The following RAB27B variants were observed in gnomAD, a reference collection of about 807,000 sequenced individuals.
The protein encoded by RAB27B is RAB27B, member RAS oncogene family.
In RAB27B, 15 loss-of-function variants were observed where a neutral mutation model predicts 24.6. The observed-to-expected ratio is 0.61, with a 90% CI of 0.41 to 0.94. RAB27B has a LOEUF of 0.94. Among genes scored for constraint, RAB27B ranks in the 40% least tolerant of loss-of-function variants. The pLI, the probability that RAB27B is intolerant of heterozygous loss-of-function variation, is 0.00. For missense variants in RAB27B, 261 were observed against 266.8 expected (o/e 0.98, Z 0.15); for synonymous variants, 105 against 92.5 (o/e 1.14, Z -0.78).
rs547868014 is a variant in RAB27B, at chr18:54,895,100, A to T, written c.*5687A>T. On this transcript the variant is annotated 3_prime_UTR_variant, in exon 6 of 6. Transcript: ENST00000262094. ...CTGATTGTATCTGAAATTATTTTTT[A>T]AAAAAATAAATTATCCTGCTTTAGT... The T allele has an allele frequency of 2.6e-4, 23 of 88,236 alleles. No homozygotes were observed. Among genetic ancestry groups the T allele is most frequent in the Middle Eastern group, 5.6e-3 (1 of 180 alleles). 5.5% of individuals were successfully genotyped at this position (88,236 alleles called of 1,614,324 possible).
chr18:54,793,739 C>A (rs1909327063), intron 2 of RAB27B, among the ~76,000 whole-genome samples: 1 of 152,164 alleles, frequency 6.6e-6, no homozygotes, highest in Non-Finnish European at 1.5e-5. Flanking sequence ...CTGTAATGAT[C>A]CAATCAAGTT....
intron 2 of RAB27B, among the ~76,000 whole-genome samples, chr18:54,773,513 C>T (rs1908618159): frequency 6.6e-6 from 1 of 152,206 alleles, no homozygotes; most frequent in Non-Finnish European, 1.5e-5. Flanking sequence ...TACTCTTTCA[C>T]TGTGAATTTT....
chr18:54,850,765 A>G (rs573381029), intron 1 of RAB27B, among the ~76,000 whole-genome samples: 115 of 151,250 alleles, frequency 7.6e-4, no homozygotes, highest in African/African-American at 2.7e-3. Context: ...TATTTATTTT[A>G]TTAATTTTAA....
intron 2 of RAB27B, among the ~76,000 whole-genome samples, chr18:54,740,624 A>G (rs553201215): frequency 6.6e-6 from 1 of 152,324 alleles, no homozygotes; most frequent in East Asian, 1.9e-4. Flanking sequence ...GAGTGGCTAA[A>G]GTGGTCCTGT....
intron 2 of RAB27B, among the ~76,000 whole-genome samples, chr18:54,763,283 T>G (rs1486443423): frequency 6.6e-6 from 1 of 152,138 alleles, no homozygotes; most frequent in Admixed American, 6.6e-5. Flanking sequence ...AAATTCATCA[T>G]TTTATATATA....
At chr18:54,800,639 A>G (rs78078572) in intron 2 of RAB27B, among the ~76,000 whole-genome samples, 8,791 of 152,186 alleles carry the variant, frequency 0.058, 605 homozygotes, top group African/African-American at 0.16. Flanking sequence ...TATTCCTTGC[A>G]GTACCTATTT....
chr18:54,841,206 C>T (rs1911109363), intron 1 of RAB27B, among the ~76,000 whole-genome samples: 1 of 149,014 alleles, frequency 6.7e-6, no homozygotes, highest in Admixed American at 6.8e-5. Flanking sequence ...GGTAGTCCTC[C>T]CCATCCATGG....
intron 1 of RAB27B, among the ~76,000 whole-genome samples, chr18:54,838,381 T>C (rs1910976655): frequency 6.6e-6 from 1 of 152,164 alleles, no homozygotes; most frequent in African/African-American, 2.4e-5. Flanking sequence ...ATCTCCATGT[T>C]AATATTTTTT....
At chr18:54,718,478 C>T (rs553784382) in intron 2 of RAB27B, among the ~76,000 whole-genome samples, 1 of 152,268 alleles carries the variant, frequency 6.6e-6, no homozygotes, top group East Asian at 1.9e-4. Flanking sequence ...CTAATCATTG[C>T]CATGGTGCAG....
chr18:54,782,758 A>T (rs1391917298), intron 2 of RAB27B, among the ~76,000 whole-genome samples: 1 of 152,222 alleles, frequency 6.6e-6, no homozygotes, highest in African/African-American at 2.4e-5. Flanking sequence ...TTAGAAAATC[A>T]TGGTAACAAA....
At chr18:54,846,844 TTTTGTTTG>T (rs370822510) in intron 1 of RAB27B, among the ~76,000 whole-genome samples, 10 of 151,988 alleles carry the variant, frequency 6.6e-5, no homozygotes, top group African/African-American at 1.9e-4. Flanking sequence ...TCACATGACT[TTTTGTTTG>T]TTTGTTTGTT....
chr18:54,890,032 C>T lies in RAB27B; in HGVS notation c.*619C>T, dbSNP rs971964615. 1 of 152,076 alleles carries T rather than the reference C, an allele frequency of 6.6e-6. No individual in the cohort carries two copies. Among genetic ancestry groups the T allele is most frequent in the African/African-American group, 2.4e-5 (1 of 41,500 alleles). The allele number at this position is 152,076 out of a possible 1,614,324, so 9.4% of individuals were successfully genotyped here. ...AATGCAGGAGGTAGTGTCATAATGC[C>T]GTCTTTATATTCTTAATAAATAGCA... On this transcript the variant is annotated 3_prime_UTR_variant, in exon 6 of 6. Coordinates refer to ENST00000262094, the MANE Select transcript of RAB27B (RefSeq NM_004163.4).
At chr18:54,869,960 CAG>C (rs1912397301) in intron 1 of RAB27B, among the ~76,000 whole-genome samples, 1 of 152,138 alleles carries the variant, frequency 6.6e-6, no homozygotes, top group East Asian at 1.9e-4. Context: ...CCGAAGAAAA[CAG>C]AAGATAATTC....
At position 54,850,333 on chromosome 18, in the gene RAB27B, G is replaced by GATATATATAT. The variant is rs35735191; in HGVS notation, c.-20+21651_-20+21660dup. ...TATTTATTTAAAAGCAAACAAACAG[G>GATATATATAT]ATATATATATATATATATATATATA... On this transcript the variant is annotated intron_variant, in intron 1 of 5. Transcript: ENST00000262094. Among the ~76,000 whole-genome samples the GATATATATAT allele has an allele frequency of 7.4e-3, 704 of 95,056 alleles. 27 individuals carry two copies. The highest frequency in any genetic ancestry group is 7.0e-3 in the Non-Finnish European group (350 of 50,358). 62.4% of individuals were successfully genotyped at this position (95,056 alleles called of 152,430 possible).
intron 2 of RAB27B, among the ~76,000 whole-genome samples, chr18:54,782,898 G>A (rs1192699675): frequency 6.6e-6 from 1 of 151,986 alleles, no homozygotes; most frequent in East Asian, 1.9e-4. Context: ...ATAGGCATCT[G>A]ACACAATGGT....
chr18:54,862,237 T>C (rs150061053), intron 1 of RAB27B, among the ~76,000 whole-genome samples: 342 of 152,302 alleles, frequency 2.2e-3, no homozygotes, highest in African/African-American at 7.9e-3. Context: ...AGTAAAATTA[T>C]AATATTTTGG....
rs186541076 is a variant in RAB27B, at chr18:54,870,335, A to T, written c.-19-7232A>T. 3.9e-5 allele frequency among the ~76,000 whole-genome samples: 6 copies of T among 152,294 alleles called. No homozygotes were observed. The East Asian group carries it at 1.2e-3, about 29-fold the overall frequency. ...TCCAGCTAAGGAGAAAAATCAGAAGATCATCTCAATAGAGGAAGAAAGTGC... is the reference window on the plus strand; with the variant it reads ...TCCAGCTAAGGAGAAAAATCAGAAGTTCATCTCAATAGAGGAAGAAAGTGC... On this transcript the variant is annotated intron_variant, in intron 1 of 5. Transcript: ENST00000262094.
At chr18:54,810,229 A>G (rs1306028765) in intron 2 of RAB27B, among the ~76,000 whole-genome samples, 4 of 152,134 alleles carry the variant, frequency 2.6e-5, no homozygotes, top group African/African-American at 7.2e-5. Context: ...GTAAAATTAA[A>G]TTTTCAGGTT....
intron 1 of RAB27B, among the ~76,000 whole-genome samples, chr18:54,839,228 A>G (rs1395896559): frequency 1.3e-5 from 2 of 152,182 alleles, no homozygotes. Flanking sequence ...TTCATTGAAT[A>G]TAACAGGGTT....
Sources: allele counts gnomAD v4.1 joint callset (sites outside exome capture counted in the v4.1 genomes callset), GRCh38; gene constraint gnomAD v4.1.1; transcripts MANE v1.5; gene names NCBI Gene and HGNC (gene_info 2026-07-23, HGNC 2026-07-21).